FANCL: variants seen among roughly 807,000 people sequenced by gnomAD.
FANCL encodes the protein FA complementation group L.
FANCL carries 69 observed loss-of-function variants against 59.4 expected under a neutral mutation model. The observed-to-expected ratio is 1.16, with a 90% CI of 0.96 to 1.42. The LOEUF (loss-of-function observed/expected upper bound fraction) is 1.42, where lower values mean the gene tolerates loss of function less well. Ranked by LOEUF, FANCL falls within the 40% of genes most tolerant of loss-of-function variation. The pLI, the probability that FANCL is intolerant of heterozygous loss-of-function variation, is 0.00. For synonymous variants in FANCL, 180 were observed against 147.1 expected, an observed-to-expected ratio of 1.22 and a Z score of -1.62; for missense variants, 519 against 447.2, an observed-to-expected ratio of 1.16 and a Z score of -1.45.
intron 11 of FANCL, 140 bp downstream of exon 11, chr2:58,162,726 G>GT (rs1021640648): frequency 9.2e-6 from 7 of 759,200 alleles, no homozygotes; most frequent in Non-Finnish European, 1.5e-5. Flanking sequence ...AGGTAAACAA[G>GT]TTTTTTGATG....
At chr2:58,209,418 T>A (rs1211376184) in intron 5 of FANCL, among the ~76,000 whole-genome samples, 1 of 152,126 alleles carries the variant, frequency 6.6e-6, no homozygotes, top group African/African-American at 2.4e-5. Flanking sequence ...AGTTATTCAA[T>A]GACATGGATT....
chr2:58,228,695 T>C (rs1370851130), intron 3 of FANCL, among the ~76,000 whole-genome samples: 2 of 152,142 alleles, frequency 1.3e-5, no homozygotes, highest in East Asian at 1.9e-4. Context: ...TTAAAAATGA[T>C]ACAAGAAAAG....
At chr2:58,236,853 T>C (rs1694069982) in intron 1 of FANCL, among the ~76,000 whole-genome samples, 1 of 152,158 alleles carries the variant, frequency 6.6e-6, no homozygotes, top group Admixed American at 6.5e-5. Flanking sequence ...AAAACATTAT[T>C]ACTAAAGATA....
intron 7 of FANCL, among the ~76,000 whole-genome samples, chr2:58,190,894 G>C (rs185620488): frequency 6.6e-6 from 1 of 151,824 alleles, no homozygotes; most frequent in Non-Finnish European, 1.5e-5. Context: ...AAGATGAGGG[G>C]GGAATATTTT....
intron 1 of FANCL, among the ~76,000 whole-genome samples, chr2:58,236,553 A>T (rs550257348): frequency 6.6e-6 from 1 of 152,088 alleles, no homozygotes; most frequent in South Asian, 2.1e-4. Flanking sequence ...TATAAAATAC[A>T]GAAAAATACC....
intron 7 of FANCL, among the ~76,000 whole-genome samples, chr2:58,180,671 C>A (rs867317881): frequency 6.6e-6 from 1 of 151,876 alleles, no homozygotes; most frequent in African/African-American, 2.4e-5. Context: ...CAAACCTGCA[C>A]GTTCTGCACA....
chr2:58,213,223 T>C (rs539457516), intron 5 of FANCL, among the ~76,000 whole-genome samples: 1 of 152,194 alleles, frequency 6.6e-6, no homozygotes, highest in South Asian at 2.1e-4. Flanking sequence ...ATTGTGTGTG[T>C]CATTTCAAAA....
intron 7 of FANCL, among the ~76,000 whole-genome samples, chr2:58,193,729 G>C (rs537342285): frequency 6.6e-6 from 1 of 152,044 alleles, no homozygotes; most frequent in African/African-American, 2.4e-5. Context: ...TTGGTCAAAA[G>C]AACTTCCACA....
chr2:58,194,090 T>C (rs919782996), intron 7 of FANCL: 4 of 398,490 alleles, frequency 1.0e-5, no homozygotes, highest in African/African-American at 6.3e-5. Context: ...CTTGCATTCA[T>C]GGCATTATTC....
At chr2:58,191,695 ATATG>A (rs1688936536) in intron 7 of FANCL, among the ~76,000 whole-genome samples, 4 of 151,970 alleles carry the variant, frequency 2.6e-5, no homozygotes, top group Admixed American at 2.6e-4. Context: ...TGTCTGACAG[ATATG>A]TGTGTATAAA....
At chr2:58,198,793 G>A (rs1689695666) in intron 6 of FANCL, 131 bp from the exon 7 acceptor site, 2 of 668,062 alleles carry the variant, frequency 3.0e-6, no homozygotes. Context: ...ACTTTGGGAG[G>A]CCGAGGCGGG....
chr2:58,203,383 T>C (rs1690242477), intron 6 of FANCL, among the ~76,000 whole-genome samples: 2 of 151,754 alleles, frequency 1.3e-5, no homozygotes, highest in African/African-American at 2.4e-5. Flanking sequence ...TGAAAAAGAG[T>C]TGATTGATTG....
intron 7 of FANCL, among the ~76,000 whole-genome samples, chr2:58,188,516 C>A (rs1688625638): frequency 6.6e-6 from 1 of 151,852 alleles, no homozygotes; most frequent in Non-Finnish European, 1.5e-5. Context: ...CAGCTCACTG[C>A]AACCTTGAGC....
chr2:58,212,578 G>A (rs914528401), intron 5 of FANCL, among the ~76,000 whole-genome samples: 1 of 152,092 alleles, frequency 6.6e-6, no homozygotes, highest in African/African-American at 2.4e-5. Context: ...AAAGTATTTG[G>A]TACTTTCAAC....
intron 5 of FANCL, among the ~76,000 whole-genome samples, chr2:58,215,964 T>G (rs1327361440): frequency 3.9e-5 from 6 of 152,020 alleles, no homozygotes; most frequent in Non-Finnish European, 8.8e-5. Flanking sequence ...GGCCTACCAG[T>G]GAGACAAAGT....
intron 4 of FANCL, among the ~76,000 whole-genome samples, chr2:58,222,836 T>G (rs866998899): frequency 2.0e-5 from 3 of 152,030 alleles, no homozygotes; most frequent in Middle Eastern, 3.4e-3. Flanking sequence ...CAAACGGTAT[T>G]ACAAAAAGTA....
chr2:58,180,058 A>G (rs1687774177), intron 7 of FANCL, among the ~76,000 whole-genome samples: 1 of 152,226 alleles, frequency 6.6e-6, no homozygotes, highest in South Asian at 2.1e-4. Context: ...CGATCATTAA[A>G]AAGTCAGGAA....
At chr2:58,210,114 A>T (rs920044057) in intron 5 of FANCL, among the ~76,000 whole-genome samples, 3 of 152,206 alleles carry the variant, frequency 2.0e-5, no homozygotes, top group African/African-American at 7.2e-5. Context: ...TTAACTTCTG[A>T]ATTATCTAGG....
chr2:58,168,576 C>T (rs903028799), intron 7 of FANCL, among the ~76,000 whole-genome samples: 9 of 151,986 alleles, frequency 5.9e-5, no homozygotes, highest in South Asian at 4.2e-4. Context: ...ACCCCAGTGG[C>T]GCCTGCAACA....
Sources: gnomAD v4.1 joint callset for allele counts (sites outside exome capture counted in the v4.1 genomes callset) on GRCh38, gnomAD v4.1.1 for gene constraint, MANE v1.5 for transcripts, NCBI Gene and HGNC (gene_info 2026-07-23, HGNC 2026-07-21) for gene names.